The following EPHB1 variants were observed in gnomAD, a reference collection of about 807,000 sequenced individuals.
The protein encoded by EPHB1 is EPH receptor B1.
Under a neutral mutation model 94.4 loss-of-function variants are expected in EPHB1, and 30 were observed. The ratio of observed to expected loss-of-function variants is 0.32; its 90% CI spans 0.24 to 0.43. The LOEUF (loss-of-function observed/expected upper bound fraction) is 0.43, where lower values mean the gene tolerates loss of function less well. Ranked by LOEUF, EPHB1 falls within the 20% of genes least tolerant of loss-of-function variation. EPHB1 has a pLI of 1.00. For missense variants in EPHB1, 1,055 were observed against 1,308.3 expected (o/e 0.81, Z 2.99); for synonymous variants, 522 against 489.1 (o/e 1.07, Z -0.89).
At chr3:134,919,050 T>C (rs1319976852) in intron 1 of EPHB1, among the ~76,000 whole-genome samples, 2 of 152,146 alleles carry the variant, frequency 1.3e-5, no homozygotes, top group Admixed American at 6.5e-5. Flanking sequence ...GTGGTCCTCA[T>C]GTGCAGGAAT....
At chr3:135,221,394 GTTTA>G (rs1459594755) in intron 12 of EPHB1, among the ~76,000 whole-genome samples, 1 of 152,038 alleles carries the variant, frequency 6.6e-6, no homozygotes, top group Non-Finnish European at 1.5e-5. Context: ...TTTTGTTGTT[GTTTA>G]TTTGTTTTGA....
chr3:134,871,555 CATTATTT>C, intron 1 of EPHB1, among the ~76,000 whole-genome samples: 1 of 152,056 alleles, frequency 6.6e-6, no homozygotes, highest in Non-Finnish European at 1.5e-5. Flanking sequence ...TGACCATATT[CATTATTT>C]ATTATTTACT....
chr3:134,901,811 T>C (rs1465379572), intron 1 of EPHB1, among the ~76,000 whole-genome samples: 1 of 152,160 alleles, frequency 6.6e-6, no homozygotes, highest in East Asian at 1.9e-4. Flanking sequence ...GCTGTAGAAA[T>C]GTGGACTACT....
At chr3:135,141,968 TTTG>T (rs1430912755) in intron 5 of EPHB1, among the ~76,000 whole-genome samples, 1 of 152,166 alleles carries the variant, frequency 6.6e-6, no homozygotes, top group Non-Finnish European at 1.5e-5. Flanking sequence ...GAGAGTATAG[TTTG>T]CGAGTACAGA....
At chr3:135,135,204 T>C (rs1282584660) in intron 5 of EPHB1, among the ~76,000 whole-genome samples, 1 of 152,110 alleles carries the variant, frequency 6.6e-6, no homozygotes, top group Non-Finnish European at 1.5e-5. Context: ...GTCAGAGAGT[T>C]TACACTCGCT....
intron 9 of EPHB1, among the ~76,000 whole-genome samples, chr3:135,175,431 A>G (rs1941950713): frequency 2.0e-5 from 3 of 152,236 alleles, no homozygotes; most frequent in South Asian, 4.1e-4. Context: ...TCCTGAGACT[A>G]TGGTCCTTTA....
At chr3:134,909,933 G>A (rs1242764485) in intron 1 of EPHB1, among the ~76,000 whole-genome samples, 3 of 152,116 alleles carry the variant, frequency 2.0e-5, no homozygotes, top group African/African-American at 4.8e-5. Context: ...AGTCCAAAAG[G>A]ACCTAGAGTG....
At chr3:135,088,656 A>T (rs1466053083) in intron 3 of EPHB1, among the ~76,000 whole-genome samples, 1 of 152,186 alleles carries the variant, frequency 6.6e-6, no homozygotes, top group African/African-American at 2.4e-5. Flanking sequence ...AGCAAAAATG[A>T]GGAAGGATGG....
chr3:135,104,992 C>G (rs1939158144), intron 3 of EPHB1, among the ~76,000 whole-genome samples: 1 of 152,160 alleles, frequency 6.6e-6, no homozygotes, highest in Non-Finnish European at 1.5e-5. Context: ...ACTGTGTGAT[C>G]CTTGGTAACT....
chr3:135,001,133 G>T (rs1576306515), intron 3 of EPHB1, among the ~76,000 whole-genome samples: 1 of 152,150 alleles, frequency 6.6e-6, no homozygotes, highest in African/African-American at 2.4e-5. Flanking sequence ...GGGTGTTCTT[G>T]CAACTTTGAA....
chr3:135,072,665 ATTTCCT>A (rs1313858844), intron 3 of EPHB1, among the ~76,000 whole-genome samples: 1 of 152,046 alleles, frequency 6.6e-6, no homozygotes, highest in African/African-American at 2.4e-5. Flanking sequence ...CTCAAAAGCT[ATTTCCT>A]GATTCTTTTT....
intron 1 of EPHB1, among the ~76,000 whole-genome samples, chr3:134,889,441 A>G (rs1213030248): frequency 3.3e-5 from 5 of 152,168 alleles, no homozygotes; most frequent in African/African-American, 1.2e-4. Flanking sequence ...AAGACTGACA[A>G]GCACTGTTGT....
chr3:134,880,555 AG>A (rs1560279414), intron 1 of EPHB1, among the ~76,000 whole-genome samples: 1 of 152,194 alleles, frequency 6.6e-6, no homozygotes, highest in East Asian at 1.9e-4. Flanking sequence ...AGACTGCTGT[AG>A]CCCCCCGACA....
At chr3:134,999,851 A>C (rs546399376) in intron 3 of EPHB1, among the ~76,000 whole-genome samples, 75 of 152,194 alleles carry the variant, frequency 4.9e-4, no homozygotes, top group Non-Finnish European at 9.3e-4. Context: ...AAGCTTTTAA[A>C]AGTGGCCTTG....
chr3:134,894,398 G>GA (rs1411077180), intron 1 of EPHB1, among the ~76,000 whole-genome samples: 1 of 152,184 alleles, frequency 6.6e-6, no homozygotes, highest in Non-Finnish European at 1.5e-5. Context: ...CTTTCTGGAG[G>GA]AAAAATGCAA....
chr3:134,806,299 T>C (rs1283395900), intron 1 of EPHB1, among the ~76,000 whole-genome samples: 1 of 152,160 alleles, frequency 6.6e-6, no homozygotes, highest in Non-Finnish European at 1.5e-5. Context: ...CTCTCTCTGT[T>C]TCTCCTGAAA....
chr3:135,192,554 A>T (rs1942488314), intron 10 of EPHB1, 22 bp from the exon 11 acceptor site: 1 of 1,611,158 alleles, frequency 6.2e-7, no homozygotes, highest in East Asian at 2.2e-5. Context: ...AGAGGATATT[A>T]ATGGCATTTT....
chr3:135,102,749 C>T (rs1386373196), intron 3 of EPHB1, among the ~76,000 whole-genome samples: 3 of 152,144 alleles, frequency 2.0e-5, no homozygotes. Flanking sequence ...CAATGATAGA[C>T]TGGATAAAGA....
chr3:134,956,158 C>T (rs1205986657), intron 3 of EPHB1, among the ~76,000 whole-genome samples: 7 of 152,032 alleles, frequency 4.6e-5, no homozygotes, highest in Non-Finnish European at 8.8e-5. Context: ...GCTAGAAGCT[C>T]GAGGGCTGCA....
Sources: allele counts gnomAD v4.1 joint callset (sites outside exome capture counted in the v4.1 genomes callset), GRCh38; gene constraint gnomAD v4.1.1; transcripts MANE v1.5; gene names NCBI Gene and HGNC (gene_info 2026-07-23, HGNC 2026-07-21).